Variants in WIPI1 observed in about 807,000 individuals in gnomAD.
WIPI1 encodes the protein WD repeat domain, phosphoinositide interacting 1.
WIPI1 carries 45 observed loss-of-function variants against 55.3 expected under a neutral mutation model. That is an observed-to-expected ratio of 0.81 (90% CI 0.64 to 1.04). The LOEUF (loss-of-function observed/expected upper bound fraction) is 1.04. WIPI1 is among the 50% of genes least tolerant of loss of function. WIPI1 has a pLI of 0.00. For synonymous variants in WIPI1, 195 were observed against 217.6 expected (o/e 0.90, Z 0.92); for missense variants, 445 against 559.0 (o/e 0.80, Z 2.06).
chr17:68,425,912 C>A (rs1265207888), intron 12 of WIPI1, 163 bp downstream of exon 12: 5 of 618,240 alleles, frequency 8.1e-6, no homozygotes, highest in Non-Finnish European at 1.4e-5. Context: ...GGATTCGAAG[C>A]ACACAGTACA....
At chr17:68,431,963 G>A (rs1286038523) in intron 8 of WIPI1, among the ~76,000 whole-genome samples, 1 of 152,140 alleles carries the variant, frequency 6.6e-6, no homozygotes, top group African/African-American at 2.4e-5. Flanking sequence ...CAGCTCAGCC[G>A]CCCTCTAGTG....
At chr17:68,434,697 AGTTT>A in intron 6 of WIPI1, 71 bp from the exon 7 acceptor site, 1 of 1,520,508 alleles carries the variant, frequency 6.6e-7, no homozygotes, top group Non-Finnish European at 9.0e-7. Flanking sequence ...TTTAGAGAGG[AGTTT>A]GTTTTATTGG....
intron 8 of WIPI1, 148 bp downstream of exon 8, chr17:68,433,320 G>T: frequency 1.4e-6 from 1 of 735,526 alleles, no homozygotes; most frequent in South Asian, 2.0e-5. Flanking sequence ...CCAAAGTTTT[G>T]CTAACACACA....
intron 8 of WIPI1, among the ~76,000 whole-genome samples, chr17:68,430,709 G>A (rs987071229): frequency 1.4e-4 from 22 of 152,296 alleles, no homozygotes; most frequent in East Asian, 7.7e-4. Flanking sequence ...CTGGGATGTC[G>A]CCTACAGTCA....
chr17:68,435,805 CCTT>C (rs2083757373), intron 5 of WIPI1, 93 bp from the exon 6 acceptor site: 1 of 1,162,206 alleles, frequency 8.6e-7, no homozygotes, highest in African/African-American at 1.5e-5. Flanking sequence ...CTTTCTCCCT[CCTT>C]TGTCCAGCTC....
intron 8 of WIPI1, among the ~76,000 whole-genome samples, chr17:68,432,605 A>T (rs539808533): frequency 7.2e-5 from 11 of 152,004 alleles, no homozygotes; most frequent in African/African-American, 2.4e-4. Flanking sequence ...CAGCGTGATA[A>T]GGTGCCCGGC....
rs927065004 is a variant in WIPI1 at position 68,423,034 on chromosome 17, G to A, written c.1294-1214C>T. Among the ~76,000 whole-genome samples the A allele has an allele frequency of 9.9e-5, 15 of 152,172 alleles. No individual in the cohort carries two copies. Among genetic ancestry groups the A allele is most frequent in the Admixed American group, 7.9e-4 (12 of 15,280 alleles). On this transcript the variant is annotated intron_variant, in intron 12 of 12. Transcript: ENST00000262139. This position sits in a 1 kb window ranked among gnomAD's most constrained non-coding sequence, Gnocchi z 4.4. ...GAAAAGATCACTAGTGATGACCCGCGTTCTTAAGGCAGCGGCTCACAGAGC... is the reference window on the plus strand; with the variant it reads ...GAAAAGATCACTAGTGATGACCCGCATTCTTAAGGCAGCGGCTCACAGAGC...
chr17:68,430,030 A>G lies in WIPI1; in HGVS notation c.931T>C (p.Phe311Leu). The G allele has an allele frequency of 6.2e-7, 1 of 1,614,152 alleles. No individual in the cohort carries two copies. Among genetic ancestry groups the G allele is most frequent in the Non-Finnish European group, 8.5e-7 (1 of 1,180,028 alleles). Residue 311 changes from phenylalanine to leucine, a missense_variant, in exon 9 of 13, where the codon TTC becomes CTC. By Grantham distance (22) the Phe-to-Leu change is conservative. Coordinates refer to ENST00000262139, the MANE Select transcript of WIPI1 (RefSeq NM_017983.7). ...GTACAGATGTTCCTCTGTCCGGAGA[A>G]GTTCAAGCGTGCAGTGGCAAAAGCC... ...DRAFATARLN[F>L]SGQRNICTLS...
intron 10 of WIPI1, chr17:68,428,238 T>TA (rs934776468): frequency 3.3e-5 from 5 of 151,656 alleles, no homozygotes; most frequent in African/African-American, 1.2e-4. Context: ...GTTTTTTTTT[T>TA]TTTTTATTTT....
intron 4 of WIPI1, among the ~76,000 whole-genome samples, chr17:68,438,210 G>A (rs1417833995): frequency 6.6e-6 from 1 of 151,764 alleles, no homozygotes; most frequent in African/African-American, 2.4e-5. Context: ...GGGAGGAAGT[G>A]GCTGAGCCCC....
At chr17:68,432,265 G>A (rs1679896882) in intron 8 of WIPI1, among the ~76,000 whole-genome samples, 1 of 152,192 alleles carries the variant, frequency 6.6e-6, no homozygotes, top group African/African-American at 2.4e-5. Flanking sequence ...TCCCATGGCT[G>A]TGATATGTGA....
At chr17:68,426,696 C>T (rs1381745102) in intron 11 of WIPI1, among the ~76,000 whole-genome samples, 1 of 152,110 alleles carries the variant, frequency 6.6e-6, no homozygotes, top group African/African-American at 2.4e-5. Flanking sequence ...ACATGCCCAG[C>T]TAATTTTTCT....
intron 2 of WIPI1, among the ~76,000 whole-genome samples, chr17:68,452,013 A>G (rs906590245): frequency 1.3e-5 from 2 of 152,206 alleles, no homozygotes; most frequent in African/African-American, 4.8e-5. Flanking sequence ...AGGAGCCCAA[A>G]ATATTATTTA....
rs1203570658 is a variant in WIPI1, at chr17:68,450,871, C to T, written c.190G>A (p.Glu64Lys). Residue 64 changes from glutamate (E) to lysine (K), a missense_variant, in exon 3 of 13, where the codon GAG becomes AAG. Coordinates refer to ENST00000262139, the MANE Select transcript of WIPI1 (RefSeq NM_017983.7). The part of the protein sequence containing the change: ...SNEIPDVYIV[E>K]RLFSSSLVVV... ...ACCAGGCTGCTGGAGAAGAGGCGCT[C>T]CACGATGTAGACGTCCGGGATTTCA... 6.2e-7 allele frequency: 1 copy of T among 1,613,728 alleles called. No homozygotes were observed. Among genetic ancestry groups the T allele is most frequent in the South Asian group, 1.1e-5 (1 of 91,024 alleles).
chr17:68,446,974 G>C (rs1234861133), intron 3 of WIPI1, among the ~76,000 whole-genome samples: 1 of 152,184 alleles, frequency 6.6e-6, no homozygotes, highest in Non-Finnish European at 1.5e-5. Flanking sequence ...CATGCTTCTG[G>C]GGTGGGCACG....
At chr17:68,452,769 T>C in intron 2 of WIPI1, 141 bp downstream of exon 2, 1 of 648,708 alleles carries the variant, frequency 1.5e-6, no homozygotes, top group South Asian at 2.1e-5. Flanking sequence ...CGATTTATAT[T>C]TAAATCTAAA....
Position 68,434,575 on chromosome 17 carries a change from A to G in WIPI1, c.673T>C (p.Phe225Leu). 6.2e-7 allele frequency: 1 copy of G among 1,613,968 alleles called. No individual in the cohort carries two copies. Among genetic ancestry groups the G allele is most frequent in the African/African-American group, 1.3e-5 (1 of 75,026 alleles). ...SVPDGQKLYE[F>L]RRGMKRYVTI... ...ACAGACCTTTTCATCCCTCTCCGGAACTCATAGAGCTTTTGCCCATCAGGG... is the reference window on the plus strand; with the variant it reads ...ACAGACCTTTTCATCCCTCTCCGGAGCTCATAGAGCTTTTGCCCATCAGGG... The change falls in exon 7 of 13, where the codon TTC (phenylalanine) becomes CTC (leucine). Residue 225 changes from phenylalanine to leucine, a missense_variant. Phe to Leu is a conservative substitution (Grantham distance 22, BLOSUM62 0). Coordinates refer to ENST00000262139, the MANE Select transcript of WIPI1 (RefSeq NM_017983.7).
intron 3 of WIPI1, among the ~76,000 whole-genome samples, chr17:68,444,970 G>A (rs2084226278): frequency 7.3e-6 from 1 of 137,516 alleles, no homozygotes; most frequent in Non-Finnish European, 1.5e-5. Flanking sequence ...ACCCAGACTG[G>A]AGTGCAGTGG....
intron 4 of WIPI1, among the ~76,000 whole-genome samples, chr17:68,437,016 A>ATGTG (rs71142180): frequency 2.0e-4 from 29 of 144,662 alleles, no homozygotes; most frequent in Middle Eastern, 3.5e-3. Context: ...ATATATATAT[A>ATGTG]TGTGTGTGTG....
Sources: allele counts gnomAD v4.1 joint callset (sites outside exome capture counted in the v4.1 genomes callset), GRCh38; gene constraint gnomAD v4.1.1; non-coding constraint Gnocchi (gnomAD v3.1); transcripts MANE v1.5; gene names NCBI Gene and HGNC (gene_info 2026-07-23, HGNC 2026-07-21).